The following ZER1 variants were observed in gnomAD, a reference collection of about 807,000 sequenced individuals.
ZER1 encodes protein zer-1 homolog.
In ZER1, 11 loss-of-function variants were observed where a neutral mutation model predicts 78.8. The ratio of observed to expected loss-of-function variants is 0.14; its 90% CI spans 0.09 to 0.23. ZER1 has a LOEUF of 0.23. Among genes scored for constraint, ZER1 ranks in the 10% least tolerant of loss-of-function variants. The pLI is 1.00. For synonymous variants in ZER1, 400 were observed against 407.0 expected, an observed-to-expected ratio of 0.98 and a Z score of 0.21; for missense variants, 588 against 996.9, an observed-to-expected ratio of 0.59 and a Z score of 5.52.
At position 128,771,618 on chromosome 9, in the gene ZER1, T is replaced by C; in HGVS notation, c.-132A>G. On this transcript the variant is annotated 5_prime_UTR_variant, in exon 1 of 16. Transcript: ENST00000291900. ...TGCCCTCAGCGTCGGGAAGCGGACG[T>C]GATGCTTCGCAGGCGAGGAGGAGCA... 6.6e-6 allele frequency: 1 copy of C among 152,488 alleles called. No homozygotes were observed. Among genetic ancestry groups the C allele is most frequent in the Non-Finnish European group, 1.5e-5 (1 of 68,260 alleles). 9.4% of individuals were successfully genotyped at this position (152,488 alleles called of 1,614,324 possible).
At chr9:128,738,533 A>G (rs1589519398) in intron 13 of ZER1, among the ~76,000 whole-genome samples, 1 of 137,464 alleles carries the variant, frequency 7.3e-6, no homozygotes, top group South Asian at 2.4e-4. Flanking sequence ...CTACAGGCGC[A>G]TGCCACCACG....
intron 13 of ZER1, among the ~76,000 whole-genome samples, chr9:128,738,471 C>T (rs1377704098): frequency 6.7e-5 from 10 of 148,168 alleles, no homozygotes; most frequent in African/African-American, 1.7e-4. Context: ...CTGCAAGCTC[C>T]GCCTCCCAGG....
At position 128,753,644 on chromosome 9, in the gene ZER1, T is replaced by A; in HGVS notation, c.310-44A>T. On this transcript the variant is annotated intron_variant, in intron 3 of 15. Transcript: ENST00000291900. The surrounding 1 kb of genome is among the most constrained non-coding windows in gnomAD (Gnocchi z 7.5). ...CCATCATCATCACCACCCTTGCCCC[T>A]TCCCCCGGCCCCAGGCCTTGCCCTG... is the stretch of plus-strand genomic sequence containing the variant. The A allele has an allele frequency of 6.3e-7, 1 of 1,595,958 alleles. No homozygotes were observed. The highest frequency in any genetic ancestry group is 8.5e-7 in the Non-Finnish European group (1 of 1,170,256).
intron 13 of ZER1, among the ~76,000 whole-genome samples, chr9:128,739,715 G>A (rs574075353): frequency 6.6e-6 from 1 of 152,076 alleles, no homozygotes; most frequent in Non-Finnish European, 1.5e-5. Flanking sequence ...TGCAGATGTT[G>A]GCATGTATGA....
chr9:128,753,631 C>T lies in ZER1; in HGVS notation c.310-31G>A. ...AGTGGGCACAGCTCCATCATCATCACCACCCTTGCCCCTTCCCCCGGCCCC... is the reference window on the plus strand; with the variant it reads ...AGTGGGCACAGCTCCATCATCATCATCACCCTTGCCCCTTCCCCCGGCCCC... On this transcript the variant is annotated intron_variant, in intron 3 of 15. Coordinates refer to ENST00000291900, the MANE Select transcript of ZER1 (RefSeq NM_006336.4). The surrounding 1 kb of genome is among the most constrained non-coding windows in gnomAD (Gnocchi z 7.5). The T allele has an allele frequency of 1.2e-6, 2 of 1,601,524 alleles. No individual in the cohort carries two copies. Among genetic ancestry groups the T allele is most frequent in the Middle Eastern group, 1.7e-4 (1 of 6,016 alleles).
chr9:128,753,442 G>A lies in ZER1; in HGVS notation c.468C>T (p.Tyr156=). 1 of 1,614,164 alleles carries A rather than the reference G, an allele frequency of 6.2e-7. No homozygotes were observed. The highest frequency in any genetic ancestry group is 8.5e-7 in the Non-Finnish European group (1 of 1,180,016). The change falls in exon 4 of 16, where the codon TAC becomes TAT. Residue 156 remains tyrosine, a synonymous_variant. Coordinates refer to ENST00000291900, the MANE Select transcript of ZER1 (RefSeq NM_006336.4). The surrounding 1 kb of genome is among the most constrained non-coding windows in gnomAD (Gnocchi z 7.5). ...GCACCTGGCAGGTGGGGTTGACGAG[G>A]TACTCATCTTCACAGCCCCCTGGGT... is the stretch of plus-strand genomic sequence containing the variant. The part of the protein sequence containing the change: ...EENPGGCEDE[Y]LVNPTCQVLV...
At position 128,753,863 on chromosome 9, in the gene ZER1, G is replaced by A. The variant is rs2132451356; in HGVS notation, c.255C>T (p.Ile85=). 6.2e-7 allele frequency: 1 copy of A among 1,603,726 alleles called. No homozygotes were observed. The highest frequency in any genetic ancestry group is 2.2e-5 in the East Asian group (1 of 44,484). The part of the protein sequence containing the change: ...SDPRSTRLTR[I]HLREDLVQDQ... ...CCTGCACCAGGTCCTCACGGAGGTG[G>A]ATCCGCGTGAGGCGGGTGCTGCGGG... is the stretch of plus-strand genomic sequence containing the variant. The change falls in exon 3 of 16, where the codon ATC becomes ATT. Residue 85 remains isoleucine, a synonymous_variant. Coordinates refer to ENST00000291900, the MANE Select transcript of ZER1 (RefSeq NM_006336.4). The surrounding 1 kb of genome is among the most constrained non-coding windows in gnomAD (Gnocchi z 7.5).
chr9:128,770,887 T>C (rs1424718694), intron 1 of ZER1, among the ~76,000 whole-genome samples: 3 of 152,182 alleles, frequency 2.0e-5, no homozygotes, highest in African/African-American at 7.2e-5. Flanking sequence ...TCAAATGCAC[T>C]AGCTGAGCGC....
chr9:128,766,088 C>A (rs1412471388), intron 1 of ZER1, among the ~76,000 whole-genome samples: 1 of 152,238 alleles, frequency 6.6e-6, no homozygotes, highest in African/African-American at 2.4e-5. Flanking sequence ...TGGAGGCTCA[C>A]GCCTCTAATC....
Position 128,761,176 on chromosome 9 carries a change from AG to A in ZER1, c.-94-5518del, listed in dbSNP as rs956874472. Among the ~76,000 whole-genome samples the A allele has an allele frequency of 1.9e-4, 29 of 148,950 alleles. No individual in the cohort carries two copies. The South Asian group carries it at 4.5e-3, about 23-fold the overall frequency. On this transcript the variant is annotated intron_variant, in intron 1 of 15. Coordinates refer to ENST00000291900, the MANE Select transcript of ZER1 (RefSeq NM_006336.4). ...CTGTCTCAAAAAAAAAAAAAAAGGG[AG>A]GGGGGGATAATAATCTCTACTTCAC... is the stretch of plus-strand genomic sequence containing the variant.
chr9:128,762,256 G>A (rs1864075608), intron 1 of ZER1, among the ~76,000 whole-genome samples: 1 of 152,250 alleles, frequency 6.6e-6, no homozygotes, highest in East Asian at 1.9e-4. Context: ...CTGGGGCCCA[G>A]CATTGTCCCA....
chr9:128,731,989 C>G (rs879516461), intron 15 of ZER1, among the ~76,000 whole-genome samples: 3 of 152,230 alleles, frequency 2.0e-5, no homozygotes, highest in Non-Finnish European at 4.4e-5. Context: ...CACCTTGGAC[C>G]CCGGACAGCT....
chr9:128,744,219 G>A (rs944873329), intron 8 of ZER1, among the ~76,000 whole-genome samples: 4 of 150,770 alleles, frequency 2.7e-5, no homozygotes, highest in East Asian at 4.0e-4. Context: ...ATGGAGTCTC[G>A]CTCTGTTGCC....
At chr9:128,765,635 C>G (rs1340800360) in intron 1 of ZER1, among the ~76,000 whole-genome samples, 1 of 152,186 alleles carries the variant, frequency 6.6e-6, no homozygotes, top group South Asian at 2.1e-4. Flanking sequence ...AGCTCTGAGC[C>G]TTGGAGCAGT....
At chr9:128,739,346 CAA>C (rs1216057567) in intron 13 of ZER1, among the ~76,000 whole-genome samples, 1 of 150,676 alleles carries the variant, frequency 6.6e-6, no homozygotes, top group African/African-American at 2.4e-5. Flanking sequence ...ACTAAAAATA[CAA>C]AAAAATTAAC....
chr9:128,753,499 G>A lies in ZER1; in HGVS notation c.411C>T (p.Phe137=), dbSNP rs866842623. The change falls in exon 4 of 16, where the codon TTC becomes TTT. Residue 137 remains phenylalanine (F), a synonymous_variant. Coordinates refer to ENST00000291900, the MANE Select transcript of ZER1 (RefSeq NM_006336.4). The surrounding 1 kb of genome is among the most constrained non-coding windows in gnomAD (Gnocchi z 7.5). ...CCTCATAGAAAATGTTTGTACAGCC[G>A]AAGAGGCTCAAGGACACCAGGGTGT... The part of the protein sequence containing the change: ...FSHTLVSLSL[F]GCTNIFYEEE... 2.1e-5 allele frequency: 34 copies of A among 1,614,006 alleles called. No homozygotes were observed. The highest frequency in any genetic ancestry group is 1.6e-4 in the Middle Eastern group (1 of 6,084).
At chr9:128,745,717 C>G (rs990286991) in intron 8 of ZER1, 3 of 152,212 alleles carry the variant, frequency 2.0e-5, no homozygotes, top group Admixed American at 2.0e-4. Flanking sequence ...GTGGTGCCAT[C>G]ATAGCTCACT....
Position 128,751,734 on chromosome 9 carries a change from T to C in ZER1, c.924-207A>G, listed in dbSNP as rs1863685366. The stretch of plus-strand genomic sequence containing the variant: ...CCACATAGTAGGGGAACACATAGGA[T>C]GGGCAATGCAGCCACCTTTAGAAAC... On this transcript the variant is annotated intron_variant, in intron 5 of 15. Transcript: ENST00000291900. This position sits in a 1 kb window ranked among gnomAD's most constrained non-coding sequence, Gnocchi z 5.4. Among the ~76,000 whole-genome samples the C allele has an allele frequency of 6.6e-6, 1 of 152,178 alleles. No homozygotes were observed. The highest frequency in any genetic ancestry group is 2.4e-5 in the African/African-American group (1 of 41,430).
At chr9:128,738,386 TTTTA>T (rs1006283346) in intron 13 of ZER1, among the ~76,000 whole-genome samples, 2 of 145,232 alleles carry the variant, frequency 1.4e-5, no homozygotes, top group African/African-American at 5.1e-5. Context: ...TTATTTTTAT[TTTTA>T]TTTATTTATT....
Sources: gnomAD v4.1 joint callset for allele counts (sites outside exome capture counted in the v4.1 genomes callset) on GRCh38, gnomAD v4.1.1 for gene constraint, Gnocchi (gnomAD v3.1) non-coding constraint, MANE v1.5 for transcripts, NCBI Gene and HGNC (gene_info 2026-07-23, HGNC 2026-07-21) for gene names.